The following NPW variants were observed in gnomAD, a reference collection of about 807,000 sequenced individuals.
NPW encodes the protein prepro-neuropeptide W.
NPW carries 8 observed loss-of-function variants against 9.9 expected under a neutral mutation model. The observed-to-expected ratio is 0.81, with a 90% CI of 0.47 to 1.46. The LOEUF (loss-of-function observed/expected upper bound fraction) is 1.46. Among genes scored for constraint, NPW ranks in the 40% most tolerant of loss-of-function variants. The pLI is 0.00. For synonymous variants in NPW, 134 were observed against 119.9 expected, an observed-to-expected ratio of 1.12 and a Z score of -0.77; for missense variants, 287 against 240.3, an observed-to-expected ratio of 1.19 and a Z score of -1.28.
In NPW at chr16:2,020,178, T is replaced by C; in HGVS notation, c.277T>C (p.Ser93Pro). The C allele has an allele frequency of 6.3e-7, 1 of 1,594,746 alleles. No homozygotes were observed. Among genetic ancestry groups the C allele is most frequent in the South Asian group, 1.1e-5 (1 of 89,896 alleles). ...CCGCGAGGCTCCTCTCCTGCTGCCC[T>C]CGTGGGTTCAGGAGCTGTGGGAGAC... Residue 93 changes from serine to proline, a missense_variant, in exon 1 of 2, where the codon TCG becomes CCG. Physicochemically the swap from Ser to Pro is moderately conservative, Grantham distance 74 (BLOSUM62 -1). Transcript: ENST00000566435.
chr16:2,020,677 C>A lies in NPW; in HGVS notation c.*58C>A. Reference sequence around the variant, plus strand: ...GCCTGACCCAGGAGGAGTGGCCGCGCGCTTCCAGGAGCCGCTCATAGACCC... The same window carrying A: ...GCCTGACCCAGGAGGAGTGGCCGCGAGCTTCCAGGAGCCGCTCATAGACCC... On this transcript the variant is annotated 3_prime_UTR_variant, in exon 2 of 2. Coordinates refer to ENST00000566435, the MANE Select transcript of NPW (RefSeq NM_001099456.3). The A allele has an allele frequency of 2.6e-6, 3 of 1,146,466 alleles. No individual in the cohort carries two copies. The highest frequency in any genetic ancestry group is 3.8e-6 in the Non-Finnish European group (3 of 794,080). 71.0% of individuals were successfully genotyped at this position (1,146,466 alleles called of 1,614,324 possible).
chr16:2,019,853 C>T lies in NPW; in HGVS notation c.-49C>T. ...ACTCCACTGCGCGCCCAAACCCAGC[C>T]GAGCCGGTTCGTGGCCCGCCCCGCC... On this transcript the variant is annotated 5_prime_UTR_variant, in exon 1 of 2. Transcript: ENST00000566435. 8.3e-7 allele frequency: 1 copy of T among 1,207,312 alleles called. No individual in the cohort carries two copies. Among genetic ancestry groups the T allele is most frequent in the Non-Finnish European group, 1.0e-6 (1 of 973,266 alleles). The allele number at this position is 1,207,312 out of a possible 1,614,324, so 74.8% of individuals were successfully genotyped here. A position where few individuals can be genotyped will look rare whatever the true frequency, so the allele number is the denominator to read the frequency against.
chr16:2,020,027 C>A lies in NPW; in HGVS notation c.126C>A (p.Tyr42Ter). ...ACAAGCACGTGGCGAGTCCCCGCTA[C>A]CACACGGTGGGCCGCGCCGCTGGCC... The change falls in exon 1 of 2, where the codon TAC becomes TAA. Residue 42 changes from tyrosine (Y) to a stop codon, truncating the protein, a stop_gained. Coordinates refer to ENST00000566435, the MANE Select transcript of NPW (RefSeq NM_001099456.3). LOFTEE classifies it high-confidence loss of function. 6.7e-7 allele frequency: 1 copy of A among 1,501,648 alleles called. No individual in the cohort carries two copies. Among genetic ancestry groups the A allele is most frequent in the Non-Finnish European group, 8.8e-7 (1 of 1,131,530 alleles). The allele number at this position is 1,501,648 out of a possible 1,614,324, so 93.0% of individuals were successfully genotyped here.
intron 1 of NPW, 86 bp from the exon 2 acceptor site, chr16:2,020,447 C>T: frequency 1.5e-6 from 2 of 1,314,584 alleles, no homozygotes; most frequent in African/African-American, 1.5e-5. Flanking sequence ...GAAGAGCTTT[C>T]CCTGGGCAGG....
rs375002657 is a variant in NPW at position 2,020,112 on chromosome 16, G to A, written c.211G>A (p.Gly71Arg). 2,283 of 1,518,270 alleles carry A rather than the reference G, an allele frequency of 1.5e-3. 42 individuals are homozygous for A. In the South Asian group the frequency reaches 0.017, roughly 12 times the overall value. The allele number at this position is 1,518,270 out of a possible 1,614,324, so 94.0% of individuals were successfully genotyped here. Residue 71 changes from glycine to arginine, a missense_variant, in exon 1 of 2, where the codon GGG becomes AGG. Transcript: ENST00000566435. The stretch of plus-strand genomic sequence containing the variant: ...GCGCCGCGCGCTGCGCGCGGCCGCC[G>A]GGCCCCTGGCCAGGGACACCCTCTC...
Position 2,020,650 on chromosome 16 carries a change from G to C in NPW, c.*31G>C, listed in dbSNP as rs762581805. ...TCCCCCGCCCGCCCGTGGCGCCTCC[G>C]CGCCTGACCCAGGAGGAGTGGCCGC... is the stretch of plus-strand genomic sequence containing the variant. On this transcript the variant is annotated 3_prime_UTR_variant, in exon 2 of 2. Transcript: ENST00000566435. 1.1e-5 allele frequency: 16 copies of C among 1,439,320 alleles called. No homozygotes were observed. Among genetic ancestry groups the C allele is most frequent in the Non-Finnish European group, 1.5e-5 (16 of 1,037,418 alleles). 89.2% of individuals were successfully genotyped at this position (1,439,320 alleles called of 1,614,324 possible). A position where few individuals can be genotyped will look rare whatever the true frequency, so the allele number is the denominator to read the frequency against.
In NPW at chr16:2,020,256, C is replaced by A; in HGVS notation, c.355C>A (p.Arg119Ser). 1 of 1,550,552 alleles carries A rather than the reference C, an allele frequency of 6.4e-7. No homozygotes were observed. Among genetic ancestry groups the A allele is most frequent in the Non-Finnish European group, 8.7e-7 (1 of 1,151,044 alleles). ...CCCCGTCCGTGCGCCCCGGAGCCCG[C>A]GCGCCCCAGAGCCTGCGCTGGAACC... Residue 119 changes from arginine to serine, a missense_variant, in exon 1 of 2, where the codon CGC becomes AGC. Coordinates refer to ENST00000566435, the MANE Select transcript of NPW (RefSeq NM_001099456.3).
Position 2,019,921 on chromosome 16 carries a change from A to T in NPW, c.20A>T (p.Glu7Val), listed in dbSNP as rs1247818855. Residue 7 changes from glutamate (E) to valine (V), a missense_variant, in exon 1 of 2, where the codon GAG (glutamate) becomes GTG (valine). Glu to Val is a moderately radical substitution (Grantham distance 121). Coordinates refer to ENST00000566435, the MANE Select transcript of NPW (RefSeq NM_001099456.3). The stretch of plus-strand genomic sequence containing the variant: ...AGCGCCCTGGCGTGGCGCCCAGGGG[A>T]GCGGGGGGCTCCCGCGAGCCGGCCG... 19 of 1,309,390 alleles carry T rather than the reference A, an allele frequency of 1.5e-5. No individual in the cohort carries two copies. The highest frequency in any genetic ancestry group is 1.8e-5 in the Non-Finnish European group (19 of 1,029,498). The allele number at this position is 1,309,390 out of a possible 1,614,324, so 81.1% of individuals were successfully genotyped here.
rs1408045324 is a variant in NPW at position 2,020,560 on chromosome 16, G to A, written c.439G>A (p.Ala147Thr). 6.2e-7 allele frequency: 1 copy of A among 1,610,002 alleles called. No individual in the cohort carries two copies. The highest frequency in any genetic ancestry group is 8.5e-7 in the Non-Finnish European group (1 of 1,178,056). Residue 147 changes from alanine (A) to threonine (T), a missense_variant, in exon 2 of 2, where the codon GCG becomes ACG. Physicochemically the swap from Ala to Thr is moderately conservative, Grantham distance 58. Coordinates refer to ENST00000566435, the MANE Select transcript of NPW (RefSeq NM_001099456.3). Reference sequence around the variant, plus strand: ...ACTTCGGAGAGACGTCTCCCGCCCAGCGGTGGACCCCGCAGCAAACCGCCT... The same window carrying A: ...ACTTCGGAGAGACGTCTCCCGCCCAACGGTGGACCCCGCAGCAAACCGCCT...
rs1321171461 is a variant in NPW, at chr16:2,020,668, G to A, written c.*49G>A. 2 of 1,239,498 alleles carry A rather than the reference G, an allele frequency of 1.6e-6. No homozygotes were observed. The highest frequency in any genetic ancestry group is 2.3e-6 in the Non-Finnish European group (2 of 872,664). 76.8% of individuals were successfully genotyped at this position (1,239,498 alleles called of 1,614,324 possible). The stretch of plus-strand genomic sequence containing the variant: ...CGCCTCCGCGCCTGACCCAGGAGGA[G>A]TGGCCGCGCGCTTCCAGGAGCCGCT... On this transcript the variant is annotated 3_prime_UTR_variant, in exon 2 of 2. Transcript: ENST00000566435.
chr16:2,020,588 G>A lies in NPW; in HGVS notation c.467G>A (p.Gly156Asp), dbSNP rs761024479. 2 of 1,607,262 alleles carry A rather than the reference G, an allele frequency of 1.2e-6. No homozygotes were observed. The highest frequency in any genetic ancestry group is 2.2e-5 in the East Asian group (1 of 44,474). Residue 156 changes from glycine to aspartate, a missense_variant, in exon 2 of 2, where the codon GGC (glycine) becomes GAC (aspartate). Gly to Asp is a moderately conservative substitution (Grantham distance 94). Coordinates refer to ENST00000566435, the MANE Select transcript of NPW (RefSeq NM_001099456.3). ...GTGGACCCCGCAGCAAACCGCCTTG[G>A]CCTGCCCTGCCTGGCCCCCGGACCG...
chr16:2,020,368 T>C (rs1039177191), intron 1 of NPW, 56 bp downstream of exon 1: 2 of 1,407,954 alleles, frequency 1.4e-6, no homozygotes, highest in African/African-American at 3.0e-5. Context: ...TCGGGAGGTC[T>C]GAGCCGGAGC....
chr16:2,020,136 T>C lies in NPW; in HGVS notation c.235T>C (p.Ser79Pro). 6.4e-7 allele frequency: 1 copy of C among 1,568,734 alleles called. No homozygotes were observed. The highest frequency in any genetic ancestry group is 1.8e-5 in the Admixed American group (1 of 57,128). ...CGGGCCCCTGGCCAGGGACACCCTC[T>C]CCCCCGAACCCGCAGCCCGCGAGGC... The change falls in exon 1 of 2, where the codon TCC becomes CCC. Residue 79 changes from serine (S) to proline (P), a missense_variant. Coordinates refer to ENST00000566435, the MANE Select transcript of NPW (RefSeq NM_001099456.3).
At chr16:2,020,743 CCCCCGCATGCGA>C in exon 2 of NPW, 1 of 596,788 alleles carries the variant, frequency 1.7e-6, no homozygotes, top group South Asian at 2.0e-5. Flanking sequence ...GACTCCTGCG[CCCCCGCATGCGA>C]CCCCTTCGTC....
In NPW at chr16:2,020,610, A is replaced by T; in HGVS notation, c.489A>T (p.Gly163=). 6.3e-7 allele frequency: 1 copy of T among 1,594,060 alleles called. No homozygotes were observed. Among genetic ancestry groups the T allele is most frequent in the South Asian group, 1.1e-5 (1 of 90,172 alleles). The change falls in exon 2 of 2, where the codon GGA becomes GGT. Residue 163 remains glycine, a synonymous_variant. Transcript: ENST00000566435. ...TTGGCCTGCCCTGCCTGGCCCCCGG[A>T]CCGTTCTGACAGCGTCCCCCGCCCG...
intron 1 of NPW, 42 bp from the exon 2 acceptor site, chr16:2,020,491 G>T: frequency 6.9e-7 from 1 of 1,455,394 alleles, no homozygotes; most frequent in Non-Finnish European, 9.6e-7. Flanking sequence ...GTGGTTGGAG[G>T]GCCACAGCCT....
In NPW at chr16:2,020,590, C is replaced by A. The variant is rs1432761098; in HGVS notation, c.469C>A (p.Leu157Met). The change falls in exon 2 of 2, where the codon CTG (leucine) becomes ATG (methionine). Residue 157 changes from leucine to methionine, a missense_variant. Leu to Met is a conservative substitution (Grantham distance 15). Coordinates refer to ENST00000566435, the MANE Select transcript of NPW (RefSeq NM_001099456.3). ...GGACCCCGCAGCAAACCGCCTTGGCCTGCCCTGCCTGGCCCCCGGACCGTT... is the reference window on the plus strand; with the variant it reads ...GGACCCCGCAGCAAACCGCCTTGGCATGCCCTGCCTGGCCCCCGGACCGTT... The A allele has an allele frequency of 5.0e-6, 8 of 1,607,214 alleles. No homozygotes were observed. Among genetic ancestry groups the A allele is most frequent in the Non-Finnish European group, 6.0e-6 (7 of 1,176,344 alleles).
Position 2,020,324 on chromosome 16 carries a change from G to T in NPW, c.411+12G>T. ...GCGGAGCTGGCCAGGTACGTGAGAG[G>T]GGAGAGGCCTGGACCGCCGCGGGCA... On this transcript the variant is annotated intron_variant, in intron 1 of 1. Transcript: ENST00000566435. The T allele has an allele frequency of 6.8e-7, 1 of 1,465,892 alleles. No individual in the cohort carries two copies. The highest frequency in any genetic ancestry group is 1.3e-5 in the South Asian group (1 of 78,146). The allele number at this position is 1,465,892 out of a possible 1,614,324, so 90.8% of individuals were successfully genotyped here.
Position 2,019,837 on chromosome 16 carries a change from C to T in NPW, c.-65C>T. On this transcript the variant is annotated 5_prime_UTR_variant, in exon 1 of 2. Coordinates refer to ENST00000566435, the MANE Select transcript of NPW (RefSeq NM_001099456.3). The stretch of plus-strand genomic sequence containing the variant: ...GTACCTGGGCGTCCCAACTCCACTG[C>T]GCGCCCAAACCCAGCCGAGCCGGTT... The T allele has an allele frequency of 8.3e-7, 1 of 1,202,620 alleles. No homozygotes were observed. Among genetic ancestry groups the T allele is most frequent in the South Asian group, 4.2e-5 (1 of 23,982 alleles). 74.5% of individuals were successfully genotyped at this position (1,202,620 alleles called of 1,614,324 possible).
Sources: allele counts gnomAD v4.1 joint callset, GRCh38; gene constraint gnomAD v4.1.1; transcripts MANE v1.5; gene names NCBI Gene and HGNC (gene_info 2026-07-23, HGNC 2026-07-21).